The following NEK10 variants were observed in gnomAD, a reference collection of about 807,000 sequenced individuals.
The protein encoded by NEK10 is NIMA related kinase 10.
NEK10 carries 122 observed loss-of-function variants against 159.8 expected under a neutral mutation model. The ratio of observed to expected loss-of-function variants is 0.76; its 90% confidence interval spans 0.66 to 0.89. The LOEUF (loss-of-function observed/expected upper bound fraction) is 0.89, where lower values mean the gene tolerates loss of function less well. Ranked by LOEUF, NEK10 falls within the 40% of genes least tolerant of loss-of-function variation. The probability of loss-of-function intolerance (pLI) is 0.00; values close to 1 mark genes in which losing one functional copy is unlikely to be tolerated. For missense variants in NEK10, 1,342 were observed against 1,323.1 expected (o/e 1.01, Z -0.22); for synonymous variants, 466 against 457.1 (o/e 1.02, Z -0.25).
At chr3:27,298,383 C>G (rs2043534574) in intron 13 of NEK10, among the ~76,000 whole-genome samples, 2 of 152,148 alleles carry the variant, frequency 1.3e-5, no homozygotes, top group South Asian at 4.1e-4. Context: ...ATGACTTGCT[C>G]CTCCTTGCCT....
At chr3:27,255,701 A>G (rs1220201761) in intron 23 of NEK10, among the ~76,000 whole-genome samples, 2 of 152,210 alleles carry the variant, frequency 1.3e-5, no homozygotes, top group African/African-American at 4.8e-5. Flanking sequence ...AAAGTATGCC[A>G]AAGAATTTAA....
At chr3:27,125,149 A>C (rs556835021) in intron 32 of NEK10, among the ~76,000 whole-genome samples, 2 of 152,234 alleles carry the variant, frequency 1.3e-5, no homozygotes, top group African/African-American at 4.8e-5. Context: ...CTCTCCCCCC[A>C]AAAAACACTG....
intron 30 of NEK10, among the ~76,000 whole-genome samples, chr3:27,161,792 G>A (rs1276652682): frequency 6.6e-6 from 1 of 152,076 alleles, no homozygotes; most frequent in Non-Finnish European, 1.5e-5. Flanking sequence ...ATCACCTGAG[G>A]TCAAGAGTTC....
chr3:27,217,115 G>T (rs1559629406), intron 23 of NEK10, among the ~76,000 whole-genome samples: 1 of 152,128 alleles, frequency 6.6e-6, no homozygotes, highest in Non-Finnish European at 1.5e-5. Context: ...ACTAACCTCT[G>T]ATTTTTTTAT....
At chr3:27,290,987 G>T (rs2042957269) in intron 18 of NEK10, among the ~76,000 whole-genome samples, 1 of 152,196 alleles carries the variant, frequency 6.6e-6, no homozygotes, top group Admixed American at 6.5e-5. Flanking sequence ...TTAATTTAGA[G>T]ATTGCATCAT....
intron 30 of NEK10, chr3:27,143,492 G>A (rs1184497284): frequency 4.0e-6 from 3 of 755,820 alleles, no homozygotes; most frequent in Non-Finnish European, 7.2e-6. Flanking sequence ...CAAAAACAAA[G>A]AGTTAGCTAG....
At chr3:27,301,990 T>C (rs1160733166) in intron 12 of NEK10, among the ~76,000 whole-genome samples, 155 bp from the exon 13 acceptor site, 1 of 152,212 alleles carries the variant, frequency 6.6e-6, no homozygotes, top group East Asian at 1.9e-4. Context: ...TTTTTGTGTA[T>C]GGTGTGTGGT....
At chr3:27,279,294 T>C (rs1332141449) in intron 22 of NEK10, among the ~76,000 whole-genome samples, 4 of 152,244 alleles carry the variant, frequency 2.6e-5, no homozygotes, top group Admixed American at 1.3e-4. Context: ...TTGGCAATTC[T>C]GTGTTTCTTT....
At position 27,136,932 on chromosome 3, in the gene NEK10, TA is replaced by T. The variant is rs1441760769; in HGVS notation, c.2970+4549del. Among the ~76,000 whole-genome samples the T allele has an allele frequency of 2.0e-5, 3 of 152,220 alleles. No individual in the cohort carries two copies. In the East Asian group the frequency reaches 5.8e-4, roughly 29 times the overall value. On this transcript the variant is annotated intron_variant, in intron 31 of 35. Coordinates refer to ENST00000691995, the MANE Select transcript of NEK10 (RefSeq NM_001394966.1). ...AGTCTGAGAGAGTTTGACTAGTAAATAAATATGTGAAAATATTGTCTTTTTG... is the reference window on the plus strand; with the variant it reads ...AGTCTGAGAGAGTTTGACTAGTAAATAATATGTGAAAATATTGTCTTTTTG...
intron 22 of NEK10, among the ~76,000 whole-genome samples, chr3:27,273,108 G>T (rs1363985282): frequency 2.0e-5 from 3 of 152,144 alleles, no homozygotes; most frequent in Non-Finnish European, 4.4e-5. Flanking sequence ...AGAGGAAATG[G>T]CATGCTCAAA....
intron 1 of NEK10, among the ~76,000 whole-genome samples, chr3:27,357,975 T>C (rs73055746): frequency 0.33 from 49,737 of 152,126 alleles, 10,197 homozygotes; most frequent in East Asian, 0.74. Flanking sequence ...TGCATACAGT[T>C]TCATTAGAGA....
Position 27,185,881 on chromosome 3 carries a change from T to C in NEK10, c.2505+6148A>G, listed in dbSNP as rs185940176. Among the ~76,000 whole-genome samples, 298 of 152,214 alleles carry C rather than the reference T, an allele frequency of 2.0e-3. 2 individuals are homozygous for C. Among genetic ancestry groups the C allele is most frequent in the Non-Finnish European group, 3.6e-3 (244 of 68,010 alleles). On this transcript the variant is annotated intron_variant, in intron 26 of 35. Transcript: ENST00000691995. ...ACAAGAAAGTTGGATCTTGCAATGA[T>C]ATAATGCAAGATACTGAGAATGAGA...
intron 16 of NEK10, 128 bp from the exon 17 acceptor site, chr3:27,291,714 C>G (rs948081014): frequency 8.1e-6 from 5 of 619,598 alleles, no homozygotes; most frequent in Non-Finnish European, 1.4e-5. Flanking sequence ...ACGATCTCAG[C>G]TCACTGCAAG....
intron 23 of NEK10, chr3:27,215,837 T>C: frequency 1.4e-6 from 1 of 717,574 alleles, no homozygotes; most frequent in Non-Finnish European, 2.6e-6. Context: ...ACGTTTTATG[T>C]GGCCAGAGCA....
At chr3:27,222,497 G>A (rs557291847) in intron 23 of NEK10, among the ~76,000 whole-genome samples, 21 of 152,228 alleles carry the variant, frequency 1.4e-4, no homozygotes, top group Non-Finnish European at 2.5e-4. Flanking sequence ...TAATACAAAA[G>A]AATGAAAAAC....
chr3:27,328,642 C>A (rs1396411231), intron 5 of NEK10, among the ~76,000 whole-genome samples: 6 of 152,246 alleles, frequency 3.9e-5, no homozygotes, highest in Admixed American at 3.3e-4. Context: ...AGAACAGGGC[C>A]TTTGGATTTT....
chr3:27,191,382 T>C (rs534830156), intron 26 of NEK10, among the ~76,000 whole-genome samples: 3 of 151,654 alleles, frequency 2.0e-5, no homozygotes, highest in Admixed American at 1.3e-4. Flanking sequence ...GAACACTGAT[T>C]GTGATTGCAA....
Position 27,185,132 on chromosome 3 carries a change from C to T in NEK10, c.2505+6897G>A, listed in dbSNP as rs145057238. Reference sequence around the variant, plus strand: ...TATAACAAAGAAGTGAAGTTATGAACAGTTTGTGAATTTAAAAAATAATAT... The same window carrying T: ...TATAACAAAGAAGTGAAGTTATGAATAGTTTGTGAATTTAAAAAATAATAT... On this transcript the variant is annotated intron_variant, in intron 26 of 35. Transcript: ENST00000691995. Among the ~76,000 whole-genome samples the T allele has an allele frequency of 3.6e-3, 555 of 152,216 alleles. 1 individual carries two copies. Among genetic ancestry groups the T allele is most frequent in the Middle Eastern group, 0.014 (4 of 292 alleles).
At chr3:27,144,144 C>T (rs911501118) in intron 30 of NEK10, among the ~76,000 whole-genome samples, 44 of 152,176 alleles carry the variant, frequency 2.9e-4, no homozygotes, top group African/African-American at 1.0e-3. Context: ...TCCTTGCCTT[C>T]CTTTGTAAAC....
Sources: allele counts gnomAD v4.1 joint callset (sites outside exome capture counted in the v4.1 genomes callset), GRCh38; gene constraint gnomAD v4.1.1; transcripts MANE v1.5; gene names NCBI Gene and HGNC (gene_info 2026-07-23, HGNC 2026-07-21).